The following TRDN variants were observed in gnomAD, a reference collection of about 807,000 sequenced individuals.
The protein encoded by TRDN is triadin in skeletal muscle.
Under a neutral mutation model 149.7 loss-of-function variants are expected in TRDN, and 161 were observed. The ratio of observed to expected loss-of-function variants is 1.08; its 90% CI spans 0.95 to 1.23. The LOEUF (loss-of-function observed/expected upper bound fraction) is 1.23, where lower values mean the gene tolerates loss of function less well. Among genes scored for constraint, TRDN ranks in the 50% most tolerant of loss-of-function variants. TRDN has a pLI of 0.00. For missense variants in TRDN, 896 were observed against 823.5 expected (o/e 1.09, Z -1.08); for synonymous variants, 294 against 250.5 (o/e 1.17, Z -1.64).
chr6:123,609,297 A>C (rs990672467), intron 1 of TRDN, among the ~76,000 whole-genome samples: 2 of 152,206 alleles, frequency 1.3e-5, no homozygotes, highest in African/African-American at 4.8e-5. Flanking sequence ...ATTTACTGAT[A>C]GGAAAAAATT....
At chr6:123,499,720 ATAT>A (rs1220941934) in intron 8 of TRDN, among the ~76,000 whole-genome samples, 18 of 74,430 alleles carry the variant, frequency 2.4e-4, no homozygotes, top group African/African-American at 8.0e-4. Flanking sequence ...AAAAAAAAAA[ATAT>A]ATATATATAT....
At chr6:123,616,132 C>A (rs1429378154) in intron 1 of TRDN, among the ~76,000 whole-genome samples, 1 of 152,236 alleles carries the variant, frequency 6.6e-6, no homozygotes, top group Non-Finnish European at 1.5e-5. Context: ...AGGAGGATCA[C>A]TTGAGGCTAG....
In TRDN at chr6:123,516,168, T is replaced by C; in HGVS notation, c.523A>G (p.Arg175Gly). ...KEKEKGKEKV[R>G]EKEKPEKKAT... Reference sequence around the variant, plus strand: ...TTCTTTTCAGGTTTTTCTTTTTCTCTTACTTTTTCTTTTCCTTTTTCTTTT... The same window carrying C: ...TTCTTTTCAGGTTTTTCTTTTTCTCCTACTTTTTCTTTTCCTTTTTCTTTT... Residue 175 changes from arginine (R) to glycine (G), a missense_variant, in exon 6 of 41, where the codon AGA (arginine) becomes GGA (glycine). Coordinates refer to ENST00000334268, the MANE Select transcript of TRDN (RefSeq NM_006073.4). 6.7e-7 allele frequency: 1 copy of C among 1,491,600 alleles called. No homozygotes were observed. Among genetic ancestry groups the C allele is most frequent in the Non-Finnish European group, 9.0e-7 (1 of 1,108,512 alleles). The allele number at this position is 1,491,600 out of a possible 1,614,324, so 92.4% of individuals were successfully genotyped here.
intron 23 of TRDN, among the ~76,000 whole-genome samples, chr6:123,323,876 C>A (rs1189304590): frequency 6.6e-6 from 1 of 152,118 alleles, no homozygotes; most frequent in Non-Finnish European, 1.5e-5. Context: ...TTATTCTTTC[C>A]TTCCCTGAAG....
chr6:123,249,559 G>A (rs1228346667), intron 38 of TRDN, among the ~76,000 whole-genome samples: 1 of 152,082 alleles, frequency 6.6e-6, no homozygotes, highest in South Asian at 2.1e-4. Flanking sequence ...ATTAGATAAA[G>A]AACATGTAGT....
chr6:123,635,493 G>A (rs1215760948), intron 1 of TRDN, among the ~76,000 whole-genome samples: 1 of 151,748 alleles, frequency 6.6e-6, no homozygotes, highest in Non-Finnish European at 1.5e-5. Context: ...TTTTAAATAA[G>A]TAAACACACA....
chr6:123,227,541 G>A (rs888008334), intron 38 of TRDN, among the ~76,000 whole-genome samples: 4 of 151,866 alleles, frequency 2.6e-5, no homozygotes, highest in African/African-American at 9.7e-5. Flanking sequence ...GTCTGAAAAG[G>A]TTAGAAGTGA....
chr6:123,624,912 C>A (rs1165872659), intron 1 of TRDN, among the ~76,000 whole-genome samples: 1 of 152,018 alleles, frequency 6.6e-6, no homozygotes, highest in Non-Finnish European at 1.5e-5. Flanking sequence ...CATGAAACAT[C>A]CAGCTTTTAT....
chr6:123,428,595 T>C (rs186418303), intron 12 of TRDN, among the ~76,000 whole-genome samples: 1 of 152,300 alleles, frequency 6.6e-6, no homozygotes, highest in East Asian at 1.9e-4. Flanking sequence ...AGATCAAGTA[T>C]CTTCAGTGAT....
intron 38 of TRDN, among the ~76,000 whole-genome samples, chr6:123,240,823 G>C (rs1220023210): frequency 6.6e-6 from 1 of 151,874 alleles, no homozygotes; most frequent in Non-Finnish European, 1.5e-5. Context: ...AAATATTGAT[G>C]TGTCATCATT....
At chr6:123,479,216 G>GT (rs1777635151) in intron 9 of TRDN, among the ~76,000 whole-genome samples, 1 of 151,922 alleles carries the variant, frequency 6.6e-6, no homozygotes, top group African/African-American at 2.4e-5. Flanking sequence ...TATATTTGTG[G>GT]TTTTTTTCCC....
At chr6:123,289,639 C>A (rs1333310026) in intron 24 of TRDN, among the ~76,000 whole-genome samples, 1 of 152,122 alleles carries the variant, frequency 6.6e-6, no homozygotes, top group Non-Finnish European at 1.5e-5. Flanking sequence ...TGATTACAAC[C>A]CCTTTCATAG....
intron 1 of TRDN, among the ~76,000 whole-genome samples, chr6:123,596,765 C>A (rs11965887): frequency 0.031 from 4,786 of 152,156 alleles, 108 homozygotes; most frequent in Non-Finnish European, 0.051. Flanking sequence ...ACAAATCCTG[C>A]ATGACAGCAC....
chr6:123,511,726 C>G (rs1215590446), intron 7 of TRDN, among the ~76,000 whole-genome samples: 1 of 152,088 alleles, frequency 6.6e-6, no homozygotes, highest in East Asian at 1.9e-4. Context: ...GCCCACGAGG[C>G]TGAAATCAAG....
intron 2 of TRDN, among the ~76,000 whole-genome samples, chr6:123,561,704 A>G (rs571123734): frequency 9.0e-4 from 137 of 152,202 alleles, no homozygotes; most frequent in Non-Finnish European, 1.8e-3. Context: ...GCCATCACCA[A>G]TAATTCTATA....
chr6:123,347,540 A>C (rs2060065), intron 21 of TRDN, among the ~76,000 whole-genome samples: 105,670 of 151,860 alleles, frequency 0.7, 38,199 homozygotes, highest in East Asian at 0.85. Flanking sequence ...TGTAATGTAA[A>C]GTATCAGCAA....
intron 1 of TRDN, among the ~76,000 whole-genome samples, chr6:123,595,514 A>G (rs72962841): frequency 2.6e-5 from 4 of 152,216 alleles, no homozygotes; most frequent in Non-Finnish European, 5.9e-5. Context: ...AAGGCATACT[A>G]CCTTTTATTG....
intron 1 of TRDN, among the ~76,000 whole-genome samples, chr6:123,585,709 G>A (rs1583288044): frequency 6.6e-6 from 1 of 152,090 alleles, no homozygotes; most frequent in East Asian, 1.9e-4. Context: ...ATCCTGGGCT[G>A]CAGGCATTCC....
chr6:123,459,171 T>C (rs62420461), intron 10 of TRDN, among the ~76,000 whole-genome samples: 25,693 of 152,148 alleles, frequency 0.17, 2,342 homozygotes, highest in South Asian at 0.28. Context: ...TTACCACTTA[T>C]GTGGATCAAG....
Sources: allele counts gnomAD v4.1 joint callset (sites outside exome capture counted in the v4.1 genomes callset), GRCh38; gene constraint gnomAD v4.1.1; transcripts MANE v1.5; gene names NCBI Gene and HGNC (gene_info 2026-07-23, HGNC 2026-07-21).